COL5A1: variants seen among roughly 807,000 people sequenced by gnomAD.
COL5A1 encodes the protein collagen alpha-1(V) chain.
In COL5A1, 16 loss-of-function variants were observed where a neutral mutation model predicts 263.7. The ratio of observed to expected loss-of-function variants is 0.06; its 90% CI spans 0.04 to 0.09. The LOEUF (loss-of-function observed/expected upper bound fraction) is 0.09, where lower values mean the gene tolerates loss of function less well. COL5A1 is among the 10% of genes least tolerant of loss of function. COL5A1 has a pLI of 1.00. For missense variants in COL5A1, 2,036 were observed against 2,540.5 expected, an observed-to-expected ratio of 0.80 and a Z score of 4.27; for synonymous variants, 1,012 against 1,004.5, an observed-to-expected ratio of 1.01 and a Z score of -0.14.
chr9:134,802,857 C>T lies in COL5A1; in HGVS notation c.3007-31C>T, dbSNP rs372603552. 5.8e-5 allele frequency: 88 copies of T among 1,514,600 alleles called. No individual in the cohort carries two copies. In the African/African-American group the frequency reaches 6.2e-4, roughly 11 times the overall value. The allele number at this position is 1,514,600 out of a possible 1,614,324, so 93.8% of individuals were successfully genotyped here. ...TCACTCCCTTGCAAGTCACTCGAAA[C>T]GTCTGTGGCTGACACTGATTTTCCC... On this transcript the variant is annotated intron_variant, in intron 38 of 65. Coordinates refer to ENST00000371817, the MANE Select transcript of COL5A1 (RefSeq NM_000093.5).
At position 134,809,167 on chromosome 9, in the gene COL5A1, C is replaced by T. The variant is rs1166753078; in HGVS notation, c.3367-16C>T. On this transcript the variant is annotated splice_polypyrimidine_tract_variant and intron_variant, in intron 42 of 65. Transcript: ENST00000371817. ...GTTGGAGCCACGTTTGACCTGAGATCTTCTGTATTCTCTAGGGCGAGAAAG... is the reference window on the plus strand; with the variant it reads ...GTTGGAGCCACGTTTGACCTGAGATTTTCTGTATTCTCTAGGGCGAGAAAG... 1 of 1,559,592 alleles carries T rather than the reference C, an allele frequency of 6.4e-7. No homozygotes were observed. The highest frequency in any genetic ancestry group is 8.7e-7 in the Non-Finnish European group (1 of 1,150,050).
chr9:134,766,792 C>T (rs1564445939), intron 22 of COL5A1, among the ~76,000 whole-genome samples: 1 of 152,146 alleles, frequency 6.6e-6, no homozygotes, highest in Non-Finnish European at 1.5e-5. Context: ...GTGCTCACTC[C>T]ATCAGAGTCA....
chr9:134,682,760 G>A lies in COL5A1; in HGVS notation c.110-8152G>A, dbSNP rs1395203488. Among the ~76,000 whole-genome samples, 1 of 152,188 alleles carries A rather than the reference G, an allele frequency of 6.6e-6. No homozygotes were observed. The highest frequency in any genetic ancestry group is 2.4e-5 in the African/African-American group (1 of 41,442). The stretch of plus-strand genomic sequence containing the variant: ...CAGGTGGAATCTGCTGGTGTGTTGT[G>A]GTTCTGGGGCCAGGGGAGCATCCCT... On this transcript the variant is annotated intron_variant, in intron 1 of 65. Coordinates refer to ENST00000371817, the MANE Select transcript of COL5A1 (RefSeq NM_000093.5). The surrounding 1 kb of genome is among the most constrained non-coding windows in gnomAD (Gnocchi z 5.1).
chr9:134,822,135 G>A lies in COL5A1; in HGVS notation c.4593G>A (p.Gly1531=). Reference sequence around the variant, plus strand: ...CTTCTGGCCCGATTGGGCCTCCTGGGCCCCCTGGCCTGCCGGTGTGTATCT... The same window carrying A: ...CTTCTGGCCCGATTGGGCCTCCTGGACCCCCTGGCCTGCCGGTGTGTATCT... ...TGPSGPIGPP[G]PPGLPGPPGP... Residue 1531 remains glycine, a synonymous_variant, in exon 59 of 66, where the codon GGG becomes GGA. Coordinates refer to ENST00000371817, the MANE Select transcript of COL5A1 (RefSeq NM_000093.5). 6.4e-7 allele frequency: 1 copy of A among 1,559,502 alleles called. No individual in the cohort carries two copies. Among genetic ancestry groups the A allele is most frequent in the Non-Finnish European group, 8.7e-7 (1 of 1,147,568 alleles).
intron 4 of COL5A1, among the ~76,000 whole-genome samples, chr9:134,711,254 C>T (rs905625072): frequency 2.0e-5 from 3 of 152,018 alleles, no homozygotes; most frequent in Non-Finnish European, 4.4e-5. Flanking sequence ...CTGGCTCTTC[C>T]CCAGACCCAA....
chr9:134,817,844 G>A lies in COL5A1; in HGVS notation c.4230+13G>A, dbSNP rs780688981. The A allele has an allele frequency of 1.0e-5, 16 of 1,597,778 alleles. No homozygotes were observed. The Middle Eastern group carries it at 4.9e-4, about 49-fold the overall frequency. On this transcript the variant is annotated intron_variant, in intron 54 of 65. Transcript: ENST00000371817. The stretch of plus-strand genomic sequence containing the variant: ...GAAAGGGGCCAAGGTAACGTGTTTT[G>A]GAGCCAGGCTGTGACCGCGTAGACC...
rs1837760763 is a variant in COL5A1 at position 134,792,866 on chromosome 9, CGCGCGTTTGTGCACACGTGTGTGT to C, written c.2701-2210_2701-2187del. ...GTGTGTGTGCGCACACGTGTGTGTG[CGCGCGTTTGTGCACACGTGTGTGT>C]GCGCGCGTGTGTGCACGCGCGTGTG... is the stretch of plus-strand genomic sequence containing the variant. On this transcript the variant is annotated intron_variant, in intron 32 of 65. Transcript: ENST00000371817. Among the ~76,000 whole-genome samples the C allele has an allele frequency of 1.3e-4, 4 of 31,832 alleles. No homozygotes were observed. In the Admixed American group the frequency reaches 1.5e-3, roughly 12 times the overall value. The allele number at this position is 31,832 out of a possible 152,430, so 20.9% of individuals were successfully genotyped here. A position where few individuals can be genotyped will look rare whatever the true frequency, so the allele number is the denominator to read the frequency against.
intron 1 of COL5A1, among the ~76,000 whole-genome samples, chr9:134,683,815 C>T (rs1434628099): frequency 6.6e-6 from 1 of 152,338 alleles, no homozygotes; most frequent in Non-Finnish European, 1.5e-5. Flanking sequence ...CGCCGGCACC[C>T]GGTGGGCTTT....
intron 4 of COL5A1, among the ~76,000 whole-genome samples, chr9:134,721,062 C>T (rs1034368909): frequency 3.3e-5 from 5 of 152,140 alleles, no homozygotes; most frequent in Admixed American, 6.5e-5. Flanking sequence ...GGGTAGGACA[C>T]AGTGTGTGGC....
intron 25 of COL5A1, among the ~76,000 whole-genome samples, chr9:134,771,756 A>T (rs772464633): frequency 1.1e-4 from 16 of 152,164 alleles, no homozygotes; most frequent in Admixed American, 8.5e-4. Flanking sequence ...AGGGCAAGTG[A>T]CCTGCCCAAG....
rs751065864 is a variant in COL5A1 at position 134,785,042 on chromosome 9, G to A, written c.2538G>A (p.Lys846=). 3.7e-6 allele frequency: 6 copies of A among 1,613,470 alleles called. No individual in the cohort carries two copies. The highest frequency in any genetic ancestry group is 1.7e-5 in the Admixed American group (1 of 60,030). Residue 846 remains lysine (K), a synonymous_variant, in exon 30 of 66, where the codon AAG becomes AAA. Transcript: ENST00000371817. ...PRGEDGPEGP[K]GRGGPNGDPG... ...GAGAAGATGGCCCTGAAGGCCCAAA[G>A]GGTCGCGGAGGTCCCAATGGTGACC... is the stretch of plus-strand genomic sequence containing the variant.
chr9:134,702,878 G>A (rs964064294), intron 4 of COL5A1, among the ~76,000 whole-genome samples: 7 of 152,240 alleles, frequency 4.6e-5, no homozygotes, highest in African/African-American at 1.7e-4. Flanking sequence ...TTCATGAGCT[G>A]TGGCAAAGGT....
At chr9:134,728,558 G>A in intron 5 of COL5A1, 112 bp from the exon 6 acceptor site, 1 of 1,505,204 alleles carries the variant, frequency 6.6e-7, no homozygotes, top group East Asian at 2.3e-5. Context: ...TCACGCCTGG[G>A]GCTGGACGGG....
intron 29 of COL5A1, among the ~76,000 whole-genome samples, chr9:134,783,490 A>G (rs1269854906): frequency 6.6e-6 from 1 of 152,174 alleles, no homozygotes; most frequent in East Asian, 1.9e-4. Context: ...AGGTTTCCCC[A>G]GTAACCTCTC....
chr9:134,695,239 C>T (rs1833416355), intron 2 of COL5A1, among the ~76,000 whole-genome samples: 1 of 152,226 alleles, frequency 6.6e-6, no homozygotes, highest in African/African-American at 2.4e-5. Flanking sequence ...GAGGCCACGG[C>T]TCTGCCCACA....
rs969264735 is a variant in COL5A1 at position 134,741,429 on chromosome 9, AGG to A, written c.1494+2625_1494+2626del. On this transcript the variant is annotated intron_variant, in intron 11 of 65. Coordinates refer to ENST00000371817, the MANE Select transcript of COL5A1 (RefSeq NM_000093.5). This position sits in a 1 kb window ranked among gnomAD's most constrained non-coding sequence, Gnocchi z 4.5. ...TGGAGAAGTGGCTAGACCAAGGAAAAGGGGGTTTGGGCTTCGCGGGGTGACAG... is the reference window on the plus strand; with the variant it reads ...TGGAGAAGTGGCTAGACCAAGGAAAAGGGTTTGGGCTTCGCGGGGTGACAG... Among the ~76,000 whole-genome samples the A allele has an allele frequency of 5.3e-5, 8 of 152,296 alleles. No individual in the cohort carries two copies. Among genetic ancestry groups the A allele is most frequent in the Non-Finnish European group, 1.0e-4 (7 of 68,034 alleles).
chr9:134,705,677 T>C (rs746421162), intron 4 of COL5A1, among the ~76,000 whole-genome samples: 2 of 152,186 alleles, frequency 1.3e-5, no homozygotes, highest in Non-Finnish European at 2.9e-5. Context: ...GGAACCACCT[T>C]GTCCTGGGTC....
chr9:134,810,496 T>C, intron 44 of COL5A1, 188 bp downstream of exon 44: 1 of 601,690 alleles, frequency 1.7e-6, no homozygotes. Context: ...TATCTGGGAG[T>C]GAGTCTCTCT....
chr9:134,729,554 A>T (rs1394321406), intron 6 of COL5A1, among the ~76,000 whole-genome samples: 7 of 126,512 alleles, frequency 5.5e-5, no homozygotes, highest in Admixed American at 1.6e-4. Flanking sequence ...ACGGGTGTGC[A>T]TGAGCCTGTG....
Sources: allele counts gnomAD v4.1 joint callset (sites outside exome capture counted in the v4.1 genomes callset), GRCh38; gene constraint gnomAD v4.1.1; non-coding constraint Gnocchi (gnomAD v3.1); transcripts MANE v1.5; gene names NCBI Gene and HGNC (gene_info 2026-07-23, HGNC 2026-07-21).